KCTD18: variants seen among roughly 807,000 people sequenced by gnomAD.
KCTD18 encodes the protein BTB/POZ domain-containing protein KCTD18.
In KCTD18, 22 loss-of-function variants were observed where a neutral mutation model predicts 30.4. The observed-to-expected ratio is 0.72, with a 90% CI of 0.52 to 1.03. The LOEUF is 1.03. Ranked by LOEUF, KCTD18 falls within the 50% of genes least tolerant of loss-of-function variation. The probability of loss-of-function intolerance (pLI) is 0.00; values close to 1 mark genes in which losing one functional copy is unlikely to be tolerated. For synonymous variants in KCTD18, 186 were observed against 209.0 expected, an observed-to-expected ratio of 0.89 and a Z score of 0.95; for missense variants, 529 against 547.6, an observed-to-expected ratio of 0.97 and a Z score of 0.34.
At chr2:200,505,717 G>C (rs1471333427) in intron 2 of KCTD18, among the ~76,000 whole-genome samples, 1 of 152,048 alleles carries the variant, frequency 6.6e-6, no homozygotes, top group Non-Finnish European at 1.5e-5. Context: ...TACAAATCTG[G>C]GGTTCCTCAC....
rs780059272 is a variant in KCTD18 at position 200,493,241 on chromosome 2, A to G, written c.695T>C (p.Ile232Thr). 3 of 1,612,842 alleles carry G rather than the reference A, an allele frequency of 1.9e-6. No individual in the cohort carries two copies. Among genetic ancestry groups the G allele is most frequent in the Non-Finnish European group, 2.5e-6 (3 of 1,179,184 alleles). The change falls in exon 6 of 7, where the codon ATA (isoleucine) becomes ACA (threonine). Residue 232 changes from isoleucine to threonine, a missense_variant. Coordinates refer to ENST00000359878, the MANE Select transcript of KCTD18 (RefSeq NM_152387.4). ...VSYWRVPHEL[I>T]ECWTLEERPL... Reference sequence around the variant, plus strand: ...CCGTTCTTCTAGAGTCCAACACTCTATCAGCTCATGAGGCACCCGCCAGTA... The same window carrying G: ...CCGTTCTTCTAGAGTCCAACACTCTGTCAGCTCATGAGGCACCCGCCAGTA...
intron 4 of KCTD18, 67 bp from the exon 5 acceptor site, chr2:200,497,914 C>T (rs1352381834): frequency 2.0e-6 from 2 of 1,022,932 alleles, no homozygotes; most frequent in Admixed American, 1.9e-5. Flanking sequence ...ATACATACAG[C>T]TAATATACAT....
chr2:200,498,890 C>G lies in KCTD18; in HGVS notation c.566+1G>C. The G allele has an allele frequency of 6.2e-7, 1 of 1,612,894 alleles. No individual in the cohort carries two copies. The highest frequency in any genetic ancestry group is 2.2e-5 in the East Asian group (1 of 44,862). The stretch of plus-strand genomic sequence containing the variant: ...TTTTTCACATTTAAATTTGGACATA[C>G]CTTTTAAAAATGCCTTTGCTGTGAA... On this transcript the variant is annotated splice_donor_variant, in intron 4 of 6. Coordinates refer to ENST00000359878, the MANE Select transcript of KCTD18 (RefSeq NM_152387.4). LOFTEE classifies it high-confidence loss of function.
intron 4 of KCTD18, among the ~76,000 whole-genome samples, 184 bp downstream of exon 4, chr2:200,498,707 T>C (rs1481476451): frequency 6.6e-6 from 1 of 152,232 alleles, no homozygotes; most frequent in African/African-American, 2.4e-5. Flanking sequence ...CCATACTGTA[T>C]GGGAAATGAT....
rs2088053081 is a variant in KCTD18, at chr2:200,499,616, C to T, written c.373-532G>A. Among the ~76,000 whole-genome samples, 7 of 151,888 alleles carry T rather than the reference C, an allele frequency of 4.6e-5. No homozygotes were observed. The South Asian group carries it at 1.5e-3, about 32-fold the overall frequency. On this transcript the variant is annotated intron_variant, in intron 3 of 6. Coordinates refer to ENST00000359878, the MANE Select transcript of KCTD18 (RefSeq NM_152387.4). Reference sequence around the variant, plus strand: ...TCTCTGAATAGACCAATAACAGGAGCTGAAATTGTGGCAATAATCAGTAGC... The same window carrying T: ...TCTCTGAATAGACCAATAACAGGAGTTGAAATTGTGGCAATAATCAGTAGC...
chr2:200,506,357 A>G (rs924536310), intron 2 of KCTD18, among the ~76,000 whole-genome samples: 4 of 152,224 alleles, frequency 2.6e-5, no homozygotes, highest in Admixed American at 6.5e-5. Context: ...CTCTGACGGT[A>G]TCACTGCACA....
At chr2:200,496,272 A>G (rs2087997451) in intron 5 of KCTD18, 1 of 152,280 alleles carries the variant, frequency 6.6e-6, no homozygotes, top group African/African-American at 2.4e-5. Context: ...CCAGAGGCAC[A>G]AAGAGAGACA....
intron 4 of KCTD18, 140 bp downstream of exon 4, chr2:200,498,751 C>G: frequency 1.4e-6 from 1 of 700,306 alleles, no homozygotes. Context: ...GCAGGCCTAT[C>G]TCAACTGCTA....
At position 200,509,656 on chromosome 2, in the gene KCTD18, GA is replaced by G. The variant is rs2030411154; in HGVS notation, c.-105del. On this transcript the variant is annotated 5_prime_UTR_variant, in exon 1 of 7. The change abolishes the stop of an existing upstream ORF in the 5' untranslated region. Transcript: ENST00000359878. ...CATCAAAACCATCAGGGACGCTTGG[GA>G]AAACGAAGACACTCCGGCCACAGCA... The G allele has an allele frequency of 6.6e-6, 1 of 152,314 alleles. No individual in the cohort carries two copies. Among genetic ancestry groups the G allele is most frequent in the Non-Finnish European group, 1.5e-5 (1 of 68,146 alleles). 9.4% of individuals were successfully genotyped at this position (152,314 alleles called of 1,614,324 possible).
At chr2:200,493,660 G>A (rs1454425564) in intron 5 of KCTD18, among the ~76,000 whole-genome samples, 1 of 152,210 alleles carries the variant, frequency 6.6e-6, no homozygotes, top group Non-Finnish European at 1.5e-5. Flanking sequence ...TTTCTCAGCT[G>A]TGAAATGATG....
At chr2:200,505,033 T>A (rs2030111787) in intron 2 of KCTD18, 74 bp from the exon 3 acceptor site, 1 of 1,052,044 alleles carries the variant, frequency 9.5e-7, no homozygotes, top group East Asian at 2.5e-5. Context: ...TCAAACTAGG[T>A]CTGAGGACCT....
At chr2:200,498,762 T>C (rs1290389660) in intron 4 of KCTD18, 129 bp downstream of exon 4, 5 of 751,706 alleles carry the variant, frequency 6.7e-6, no homozygotes, top group Middle Eastern at 3.7e-4. Context: ...TCAACTGCTA[T>C]GATGGCTCAC....
At chr2:200,498,842 G>A in intron 4 of KCTD18, 49 bp downstream of exon 4, 2 of 1,529,170 alleles carry the variant, frequency 1.3e-6, no homozygotes, top group Non-Finnish European at 1.8e-6. Flanking sequence ...CCTCTTAAAA[G>A]AGACCAAGAC....
chr2:200,506,880 A>C lies in KCTD18; in HGVS notation c.137T>G (p.Phe46Cys). 1 of 1,614,048 alleles carries C rather than the reference A, an allele frequency of 6.2e-7. No homozygotes were observed. The highest frequency in any genetic ancestry group is 8.5e-7 in the Non-Finnish European group (1 of 1,179,988). Residue 46 changes from phenylalanine to cysteine, a missense_variant, in exon 2 of 7, where the codon TTT becomes TGT. Coordinates refer to ENST00000359878, the MANE Select transcript of KCTD18 (RefSeq NM_152387.4). ...ACCTGACTCATCTGTTTTTAGAGGAAAGCGACCACTGAACATAGATGCCAA... is the reference window on the plus strand; with the variant it reads ...ACCTGACTCATCTGTTTTTAGAGGACAGCGACCACTGAACATAGATGCCAA... ...SMLASMFSGR[F>C]PLKTDESGAC... is the part of the protein sequence containing the mutation.
At chr2:200,507,770 T>A (rs2030274952) in intron 1 of KCTD18, among the ~76,000 whole-genome samples, 1 of 152,222 alleles carries the variant, frequency 6.6e-6, no homozygotes, top group Non-Finnish European at 1.5e-5. Flanking sequence ...ATGATAACTA[T>A]AATTCTTAAG....
chr2:200,509,464 C>T (rs1394974481), intron 1 of KCTD18, among the ~76,000 whole-genome samples, 164 bp downstream of exon 1: 1 of 152,142 alleles, frequency 6.6e-6, no homozygotes, highest in Non-Finnish European at 1.5e-5. Flanking sequence ...CTACCCCAAC[C>T]CCAGGCAGTC....
chr2:200,506,580 T>C (rs569519094), intron 2 of KCTD18, among the ~76,000 whole-genome samples: 2 of 152,338 alleles, frequency 1.3e-5, no homozygotes, highest in East Asian at 1.9e-4. Context: ...CAAAGCTGCA[T>C]GAAAGTAACA....
In KCTD18 at chr2:200,489,925, C is replaced by G. The variant is rs1289680610; in HGVS notation, c.*175G>C. On this transcript the variant is annotated 3_prime_UTR_variant, in exon 7 of 7. Coordinates refer to ENST00000359878, the MANE Select transcript of KCTD18 (RefSeq NM_152387.4). ...AAGTTGGGAAAATGAGAAATGGAGCCTTAACCATTGAAAGTCTCCCCTCCT... is the reference window on the plus strand; with the variant it reads ...AAGTTGGGAAAATGAGAAATGGAGCGTTAACCATTGAAAGTCTCCCCTCCT... 5 of 626,406 alleles carry G rather than the reference C, an allele frequency of 8.0e-6. No individual in the cohort carries two copies. The African/African-American group carries it at 9.2e-5, about 12-fold the overall frequency. The allele number at this position is 626,406 out of a possible 1,614,324, so 38.8% of individuals were successfully genotyped here.
intron 6 of KCTD18, among the ~76,000 whole-genome samples, chr2:200,491,363 G>A (rs558945456): frequency 2.9e-4 from 44 of 152,284 alleles, no homozygotes; most frequent in Admixed American, 1.8e-3. Flanking sequence ...AGAACCATGA[G>A]TCAAAATAAA....
Sources: gnomAD v4.1 joint callset for allele counts (sites outside exome capture counted in the v4.1 genomes callset) on GRCh38, gnomAD v4.1.1 for gene constraint, MANE v1.5 for transcripts, NCBI Gene and HGNC (gene_info 2026-07-23, HGNC 2026-07-21) for gene names.